Variants in BDKRB2 observed in about 807,000 individuals in gnomAD.
BDKRB2 encodes the protein bradykinin receptor B2.
Under a neutral mutation model 4.0 loss-of-function variants are expected in BDKRB2, and 6 were observed. The ratio of observed to expected loss-of-function variants is 1.49; its 90% CI spans 0.81 to 2.93. The LOEUF (loss-of-function observed/expected upper bound fraction) is 2.93, where lower values mean the gene tolerates loss of function less well. Among genes scored for constraint, BDKRB2 ranks in the 30% most tolerant of loss-of-function variants. BDKRB2 has a pLI of 0.00. For missense variants in BDKRB2, 478 were observed against 520.1 expected, an observed-to-expected ratio of 0.92 and a Z score of 0.79; for synonymous variants, 225 against 215.3, an observed-to-expected ratio of 1.05 and a Z score of -0.40.
Position 96,212,876 on chromosome 14 carries a change from C to T in BDKRB2, c.-40+7917C>T, listed in dbSNP as rs536755248. ...GATAGCAGGAGTTAACGCCCCCTCC[C>T]CCATTCCATGGCCCCTGCCTGGGAT... On this transcript the variant is annotated intron_variant, in intron 1 of 2. Transcript: ENST00000554311. Among the ~76,000 whole-genome samples, 6 of 151,986 alleles carry T rather than the reference C, an allele frequency of 3.9e-5. No homozygotes were observed. The South Asian group carries it at 1.2e-3, about 32-fold the overall frequency.
chr14:96,226,755 C>T (rs1044687306), intron 1 of BDKRB2, among the ~76,000 whole-genome samples: 3 of 152,230 alleles, frequency 2.0e-5, no homozygotes, highest in Non-Finnish European at 4.4e-5. Flanking sequence ...CCCTCTGTCT[C>T]TGGGCCTCCA....
chr14:96,223,058 T>C (rs2139780129), intron 1 of BDKRB2: 1 of 780,816 alleles, frequency 1.3e-6, no homozygotes, highest in African/African-American at 1.7e-5. Flanking sequence ...CTGTTGGGAG[T>C]TGCTTGGAGG....
At chr14:96,219,394 G>C (rs1890502665) in intron 1 of BDKRB2, among the ~76,000 whole-genome samples, 1 of 151,934 alleles carries the variant, frequency 6.6e-6, no homozygotes, top group South Asian at 2.1e-4. Context: ...CTTGCCCAGG[G>C]CTGCACAGCT....
intron 1 of BDKRB2, among the ~76,000 whole-genome samples, chr14:96,231,991 G>C (rs1341937953): frequency 2.0e-5 from 3 of 152,164 alleles, no homozygotes; most frequent in Non-Finnish European, 4.4e-5. Flanking sequence ...TGGCGTCCCA[G>C]CAAAATCCCC....
Position 96,241,511 on chromosome 14 carries a change from G to A in BDKRB2, c.*7G>A, listed in dbSNP as rs61751179. On this transcript the variant is annotated 3_prime_UTR_variant, in exon 3 of 3. Transcript: ENST00000554311. ...GGCAGGGAGCAGACAGTGAGCAAAC[G>A]CCAGCAGGGCTGCTGTGAATTTGTG... 2.5e-4 allele frequency: 384 copies of A among 1,514,380 alleles called. 1 individual carries two copies. In the African/African-American group the frequency reaches 4.4e-3, roughly 17 times the overall value. 93.8% of individuals were successfully genotyped at this position (1,514,380 alleles called of 1,614,324 possible). A position where few individuals can be genotyped will look rare whatever the true frequency, so the allele number is the denominator to read the frequency against.
Position 96,243,992 on chromosome 14 carries a change from G to A in BDKRB2, c.*2488G>A, listed in dbSNP as rs202122393. ...TGGTCTGAGGGGCAACTGAGTCTGC[G>A]GGAGAAGAGCGGCCCTATGCATGGT... On this transcript the variant is annotated 3_prime_UTR_variant, in exon 3 of 3. Transcript: ENST00000554311. 9.0e-5 allele frequency: 35 copies of A among 390,404 alleles called. No individual in the cohort carries two copies. The highest frequency in any genetic ancestry group is 1.3e-3 in the Middle Eastern group (2 of 1,548). 24.2% of individuals were successfully genotyped at this position (390,404 alleles called of 1,614,324 possible).
rs1325829706 is a variant in BDKRB2 at position 96,238,238 on chromosome 14, C to G, written c.74+1057C>G. ...CTTTCAAGGTGGCAAGTTGGTTCCC[C>G]CCATGTGGCTGCTTGAGTATCCTCA... On this transcript the variant is annotated intron_variant, in intron 2 of 2. Coordinates refer to ENST00000554311, the MANE Select transcript of BDKRB2 (RefSeq NM_001379692.1). The G allele has an allele frequency of 1.0e-5, 5 of 498,766 alleles. No individual in the cohort carries two copies. In the African/African-American group the frequency reaches 1.0e-4, roughly 10 times the overall value. 30.9% of individuals were successfully genotyped at this position (498,766 alleles called of 1,614,324 possible).
At chr14:96,227,098 C>T (rs549581761) in intron 1 of BDKRB2, among the ~76,000 whole-genome samples, 1 of 152,280 alleles carries the variant, frequency 6.6e-6, no homozygotes, top group East Asian at 1.9e-4. Context: ...ATCGTTTCAC[C>T]TCTCGAGGCC....
chr14:96,221,942 C>T (rs897507813), intron 1 of BDKRB2, among the ~76,000 whole-genome samples: 20 of 151,984 alleles, frequency 1.3e-4, no homozygotes, highest in Non-Finnish European at 2.4e-4. Flanking sequence ...CTTACAATTC[C>T]GTTCAGTTCT....
At chr14:96,226,989 C>G (rs1191678382) in intron 1 of BDKRB2, among the ~76,000 whole-genome samples, 1 of 152,230 alleles carries the variant, frequency 6.6e-6, no homozygotes. Flanking sequence ...CTGAGTCCCT[C>G]TAACCTGGGT....
At chr14:96,213,451 A>T (rs1314290780) in intron 1 of BDKRB2, among the ~76,000 whole-genome samples, 1 of 151,196 alleles carries the variant, frequency 6.6e-6, no homozygotes, top group Non-Finnish European at 1.5e-5. Context: ...ATGTGGCAGG[A>T]TCTCCACTCT....
chr14:96,237,596 G>A lies in BDKRB2; in HGVS notation c.74+415G>A, dbSNP rs956374575. The A allele has an allele frequency of 5.0e-5, 60 of 1,194,792 alleles. No individual in the cohort carries two copies. The African/African-American group carries it at 8.9e-4, about 18-fold the overall frequency. The allele number at this position is 1,194,792 out of a possible 1,614,324, so 74.0% of individuals were successfully genotyped here. A position where few individuals can be genotyped will look rare whatever the true frequency, so the allele number is the denominator to read the frequency against. ...AACACCCTAAAGAGAGAATTTAAGGGGAGGGGGAGGAGGACCTGAGCCAGA... is the reference window on the plus strand; with the variant it reads ...AACACCCTAAAGAGAGAATTTAAGGAGAGGGGGAGGAGGACCTGAGCCAGA... On this transcript the variant is annotated intron_variant, in intron 2 of 2. Coordinates refer to ENST00000554311, the MANE Select transcript of BDKRB2 (RefSeq NM_001379692.1).
chr14:96,224,954 G>A lies in BDKRB2; in HGVS notation c.-39-12115G>A, dbSNP rs181264837. ...AGCAGGACTGACAGGTCAGGGCCAG[G>A]ACCCAGGATCTTCAGAAGCCACAGG... On this transcript the variant is annotated intron_variant, in intron 1 of 2. Coordinates refer to ENST00000554311, the MANE Select transcript of BDKRB2 (RefSeq NM_001379692.1). Among the ~76,000 whole-genome samples the A allele has an allele frequency of 6.6e-4, 100 of 152,324 alleles. 3 individuals are homozygous for A. The highest frequency in any genetic ancestry group is 6.5e-3 in the Admixed American group (100 of 15,306).
chr14:96,238,050 C>T, intron 2 of BDKRB2: 1 of 1,106,034 alleles, frequency 9.0e-7, no homozygotes, highest in Admixed American at 4.5e-5. Flanking sequence ...GTCTTACCTT[C>T]AGAGGACTCT....
intron 2 of BDKRB2, chr14:96,238,285 A>G (rs1033095865): frequency 7.7e-5 from 34 of 440,792 alleles, no homozygotes; most frequent in Non-Finnish European, 9.9e-5. Context: ...ACATCCTTCC[A>G]AGTAAGCAAT....
At chr14:96,218,910 C>A (rs1890489549) in intron 1 of BDKRB2, among the ~76,000 whole-genome samples, 1 of 151,490 alleles carries the variant, frequency 6.6e-6, no homozygotes, top group Admixed American at 6.6e-5. Context: ...CAGAGCGAGA[C>A]CCCATTTCAA....
chr14:96,244,022 A>T lies in BDKRB2; in HGVS notation c.*2518A>T. The T allele has an allele frequency of 2.5e-6, 1 of 395,290 alleles. No individual in the cohort carries two copies. The highest frequency in any genetic ancestry group is 4.5e-6 in the Non-Finnish European group (1 of 224,490). 24.5% of individuals were successfully genotyped at this position (395,290 alleles called of 1,614,324 possible). The stretch of plus-strand genomic sequence containing the variant: ...AAGAGCGGCCCTATGCATGGTGTAG[A>T]TGCCCTGATAAAGAACATCTGTCCT... On this transcript the variant is annotated 3_prime_UTR_variant, in exon 3 of 3. Transcript: ENST00000554311.
intron 1 of BDKRB2, among the ~76,000 whole-genome samples, chr14:96,216,787 AGG>A (rs1890436965): frequency 1.4e-5 from 2 of 141,854 alleles, no homozygotes; most frequent in African/African-American, 5.3e-5. Context: ...GAGGAGGAGG[AGG>A]AGGAAGTAGG....
rs1337524732 is a variant in BDKRB2, at chr14:96,243,977, G to A, written c.*2473G>A. The A allele has an allele frequency of 2.6e-6, 1 of 387,446 alleles. No homozygotes were observed. Among genetic ancestry groups the A allele is most frequent in the Non-Finnish European group, 4.6e-6 (1 of 219,720 alleles). 24.0% of individuals were successfully genotyped at this position (387,446 alleles called of 1,614,324 possible). ...GTGGGGATCCACACCTGGTCTGAGG[G>A]GCAACTGAGTCTGCGGGAGAAGAGC... is the stretch of plus-strand genomic sequence containing the variant. On this transcript the variant is annotated 3_prime_UTR_variant, in exon 3 of 3. Coordinates refer to ENST00000554311, the MANE Select transcript of BDKRB2 (RefSeq NM_001379692.1).
Sources: gnomAD v4.1 joint callset for allele counts (sites outside exome capture counted in the v4.1 genomes callset) on GRCh38, gnomAD v4.1.1 for gene constraint, MANE v1.5 for transcripts, NCBI Gene and HGNC (gene_info 2026-07-23, HGNC 2026-07-21) for gene names.